Variants in PACS2 observed in about 807,000 individuals in gnomAD.
PACS2 encodes phosphofurin acidic cluster sorting protein 2.
PACS2 carries 36 observed loss-of-function variants against 113.0 expected under a neutral mutation model. The ratio of observed to expected loss-of-function variants is 0.32; its 90% CI spans 0.24 to 0.42. The LOEUF (loss-of-function observed/expected upper bound fraction) is 0.42, where lower values mean the gene tolerates loss of function less well. Ranked by LOEUF, PACS2 falls within the 10% of genes least tolerant of loss-of-function variation. The probability of loss-of-function intolerance (pLI) is 1.00; values close to 1 mark genes in which losing one functional copy is unlikely to be tolerated. For missense variants in PACS2, 1,015 were observed against 1,239.5 expected, an observed-to-expected ratio of 0.82 and a Z score of 2.72; for synonymous variants, 589 against 536.1, an observed-to-expected ratio of 1.10 and a Z score of -1.36.
chr14:105,388,681 G>C (rs587774870), intron 19 of PACS2: 1 of 152,314 alleles, frequency 6.6e-6, no homozygotes, highest in African/African-American at 2.4e-5. Context: ...CGCTCCAGGG[G>C]CAACAGGTGC....
At chr14:105,385,997 G>A (rs782779024) in intron 19 of PACS2, among the ~76,000 whole-genome samples, 19 of 152,246 alleles carry the variant, frequency 1.2e-4, no homozygotes, top group Non-Finnish European at 2.4e-4. Context: ...CCAGGCCCGT[G>A]TGCTGGGACT....
chr14:105,382,329 G>C, intron 13 of PACS2, 148 bp from the exon 14 acceptor site: 1 of 701,636 alleles, frequency 1.4e-6, no homozygotes. Flanking sequence ...TTAGCCCAGG[G>C]CAGTTCTCCA....
chr14:105,392,414 G>A (rs1417414635), intron 22 of PACS2: 14 of 588,900 alleles, frequency 2.4e-5, no homozygotes, highest in South Asian at 2.3e-4. Flanking sequence ...TGTCGCCAGG[G>A]TCCCTGTAAT....
chr14:105,331,652 TGTGAAAGG>T (rs2059306854), intron 1 of PACS2, among the ~76,000 whole-genome samples: 1 of 152,238 alleles, frequency 6.6e-6, no homozygotes, highest in South Asian at 2.1e-4. Flanking sequence ...TTGCTTAAAA[TGTGAAAGG>T]CCTGTTGACA....
chr14:105,323,799 G>A lies in PACS2; in HGVS notation c.119+8762G>A, dbSNP rs1261799469. 6.6e-6 allele frequency among the ~76,000 whole-genome samples: 1 copy of A among 152,206 alleles called. No homozygotes were observed. Among genetic ancestry groups the A allele is most frequent in the East Asian group, 1.9e-4 (1 of 5,188 alleles). ...GGGGCTGAGGAAGCTGACCTGGGCAGCCAGTGGCCTGTAGGCTGGGCAGCA... is the reference window on the plus strand; with the variant it reads ...GGGGCTGAGGAAGCTGACCTGGGCAACCAGTGGCCTGTAGGCTGGGCAGCA... On this transcript the variant is annotated intron_variant, in intron 1 of 24. Coordinates refer to ENST00000447393, the MANE Select transcript of PACS2 (RefSeq NM_001100913.3). This position sits in a 1 kb window ranked among gnomAD's most constrained non-coding sequence, Gnocchi z 4.1.
chr14:105,306,639 T>C (rs587620810), intron 1 of PACS2, among the ~76,000 whole-genome samples: 1 of 151,924 alleles, frequency 6.6e-6, no homozygotes, highest in Admixed American at 6.6e-5. Context: ...TGAGTCTCGC[T>C]GTGTCGCCCA....
chr14:105,323,357 G>GCTA lies in PACS2; in HGVS notation c.119+8321_119+8322insTAC, dbSNP rs1232806385. Among the ~76,000 whole-genome samples the GCTA allele has an allele frequency of 1.3e-5, 2 of 152,238 alleles. No homozygotes were observed. The highest frequency in any genetic ancestry group is 6.5e-5 in the Admixed American group (1 of 15,286). ...TGGGCGGCGGCTGGCTGGGGCAGTAGCCTGTCTCCAGCCCTTCCCCCTGCC... is the reference window on the plus strand; with the variant it reads ...TGGGCGGCGGCTGGCTGGGGCAGTAGCTACCTGTCTCCAGCCCTTCCCCCTGCC... On this transcript the variant is annotated intron_variant, in intron 1 of 24. Transcript: ENST00000447393. This position sits in a 1 kb window ranked among gnomAD's most constrained non-coding sequence, Gnocchi z 4.1.
Position 105,376,843 on chromosome 14 carries a change from C to T in PACS2, c.877C>T (p.Leu293=), listed in dbSNP as rs587749018. The T allele has an allele frequency of 4.3e-6, 7 of 1,613,252 alleles. No homozygotes were observed. The South Asian group carries it at 6.6e-5, about 15-fold the overall frequency. The change falls in exon 9 of 25, where the codon CTG becomes TTG. Residue 293 remains leucine (L), a synonymous_variant. Coordinates refer to ENST00000447393, the MANE Select transcript of PACS2 (RefSeq NM_001100913.3). The surrounding 1 kb of genome is among the most constrained non-coding windows in gnomAD (Gnocchi z 4.7). Reference sequence around the variant, plus strand: ...GGACCTGGACCTCCTGTATGACACCCTGGACATGGAGCACCCCAGCGACAG... The same window carrying T: ...GGACCTGGACCTCCTGTATGACACCTTGGACATGGAGCACCCCAGCGACAG... The part of the protein sequence containing the change: ...EEDLDLLYDT[L]DMEHPSDSGP...
intron 6 of PACS2, 24 bp from the exon 7 acceptor site, chr14:105,368,435 C>T (rs782340011): frequency 1.9e-6 from 3 of 1,582,244 alleles, no homozygotes; most frequent in Non-Finnish European, 2.6e-6. Context: ...GCCGTGGCCT[C>T]AGCCACTGCA....
At chr14:105,302,877 C>T (rs2058081172) in intron 1 of PACS2, among the ~76,000 whole-genome samples, 1 of 152,126 alleles carries the variant, frequency 6.6e-6, no homozygotes, top group South Asian at 2.1e-4. Context: ...CACTGCTCCC[C>T]GCCCTGTCCT....
rs924183423 is a variant in PACS2 at position 105,352,474 on chromosome 14, C to G, written c.297+7C>G. 6.5e-5 allele frequency: 102 copies of G among 1,563,538 alleles called. No individual in the cohort carries two copies. The highest frequency in any genetic ancestry group is 8.8e-5 in the Non-Finnish European group (100 of 1,134,802). Reference sequence around the variant, plus strand: ...CCTGACCTTCTCCTTGCAGGTGAGTCTTTCACCAGTGGTGACGACACCCTC... The same window carrying G: ...CCTGACCTTCTCCTTGCAGGTGAGTGTTTCACCAGTGGTGACGACACCCTC... On this transcript the variant is annotated splice_region_variant and intron_variant, in intron 3 of 24. Transcript: ENST00000447393.
At chr14:105,325,748 C>G (rs587673119) in intron 1 of PACS2, among the ~76,000 whole-genome samples, 1 of 152,368 alleles carries the variant, frequency 6.6e-6, no homozygotes, top group Admixed American at 6.5e-5. Flanking sequence ...GCGAGGCAGA[C>G]CTGCAGATGC....
At chr14:105,361,342 A>G (rs2060669918) in intron 4 of PACS2, among the ~76,000 whole-genome samples, 1 of 151,864 alleles carries the variant, frequency 6.6e-6, no homozygotes, top group African/African-American at 2.4e-5. Context: ...AAAAATACAA[A>G]AAAAGAAAAA....
rs587713795 is a variant in PACS2, at chr14:105,395,004, A to C, written c.*332A>C. 16 of 265,248 alleles carry C rather than the reference A, an allele frequency of 6.0e-5. No homozygotes were observed. The highest frequency in any genetic ancestry group is 9.6e-5 in the Non-Finnish European group (13 of 135,328). 16.4% of individuals were successfully genotyped at this position (265,248 alleles called of 1,614,324 possible). A position where few individuals can be genotyped will look rare whatever the true frequency, so the allele number is the denominator to read the frequency against. ...TGCCTCTGTGTCCTGTCCTTCCTGGAAGTCAGGACTCTGCTTCCTCAGGGA... is the reference window on the plus strand; with the variant it reads ...TGCCTCTGTGTCCTGTCCTTCCTGGCAGTCAGGACTCTGCTTCCTCAGGGA... On this transcript the variant is annotated 3_prime_UTR_variant, in exon 25 of 25. Coordinates refer to ENST00000447393, the MANE Select transcript of PACS2 (RefSeq NM_001100913.3).
At chr14:105,390,658 A>G (rs2081325722) in intron 20 of PACS2, 1 of 176,894 alleles carries the variant, frequency 5.7e-6, no homozygotes. Context: ...TGCACCGTGC[A>G]GTGGTTGGGT....
Position 105,316,251 on chromosome 14 carries a change from A to G in PACS2, c.119+1214A>G, listed in dbSNP as rs970615580. The stretch of plus-strand genomic sequence containing the variant: ...AGTGTCCATATGAGACCTAAGGGTC[A>G]GCATTTGCCCAAGGTCTGGGGCCGA... On this transcript the variant is annotated intron_variant, in intron 1 of 24. Transcript: ENST00000447393. Among the ~76,000 whole-genome samples, 152 of 152,386 alleles carry G rather than the reference A, an allele frequency of 1.0e-3. 1 individual carries two copies. The highest frequency in any genetic ancestry group is 4.1e-4 in the Non-Finnish European group (28 of 68,038).
intron 8 of PACS2, chr14:105,371,746 A>T (rs2061163441): frequency 6.6e-6 from 1 of 152,244 alleles, no homozygotes; most frequent in Admixed American, 6.5e-5. Context: ...GATTACAGCC[A>T]TCTGAGATTG....
intron 24 of PACS2, 139 bp downstream of exon 24, chr14:105,393,474 G>A (rs2081431674): frequency 1.1e-5 from 6 of 538,238 alleles, no homozygotes; most frequent in Admixed American, 3.9e-5. Context: ...AAGCACATTC[G>A]ATGAAGCCCT....
chr14:105,349,543 A>G (rs956197336), intron 2 of PACS2, among the ~76,000 whole-genome samples: 11 of 152,240 alleles, frequency 7.2e-5, no homozygotes, highest in Admixed American at 6.5e-5. Flanking sequence ...CGACCTGCAG[A>G]GTAGCACCTG....
Sources: gnomAD v4.1 joint callset for allele counts (sites outside exome capture counted in the v4.1 genomes callset) on GRCh38, gnomAD v4.1.1 for gene constraint, Gnocchi (gnomAD v3.1) non-coding constraint, MANE v1.5 for transcripts, NCBI Gene and HGNC (gene_info 2026-07-23, HGNC 2026-07-21) for gene names.